Variants in TULP3 observed in about 807,000 individuals in gnomAD.
TULP3 encodes tubby-related protein 3.
A neutral mutation model predicts 50.7 loss-of-function variants in TULP3; 38 were observed. The ratio of observed to expected loss-of-function variants is 0.75; its 90% confidence interval spans 0.58 to 0.98. TULP3 has a LOEUF of 0.98. Among genes scored for constraint, TULP3 ranks in the 50% least tolerant of loss-of-function variants. TULP3 has a pLI of 0.00. For synonymous variants in TULP3, 183 were observed against 196.6 expected, an observed-to-expected ratio of 0.93 and a Z score of 0.58; for missense variants, 550 against 568.0, an observed-to-expected ratio of 0.97 and a Z score of 0.32.
At chr12:2,924,812 C>G (rs2098193750) in intron 4 of TULP3, among the ~76,000 whole-genome samples, 1 of 151,888 alleles carries the variant, frequency 6.6e-6, no homozygotes, top group Non-Finnish European at 1.5e-5. Flanking sequence ...CAAGATTGTG[C>G]TGCTGCATTC....
At chr12:2,927,330 A>C (rs2098195256) in intron 4 of TULP3, among the ~76,000 whole-genome samples, 1 of 147,366 alleles carries the variant, frequency 6.8e-6, no homozygotes, top group Non-Finnish European at 1.5e-5. Flanking sequence ...AACACTCATA[A>C]GTTTTTGTAT....
At chr12:2,908,409 A>T (rs2098183618) in intron 1 of TULP3, among the ~76,000 whole-genome samples, 1 of 145,572 alleles carries the variant, frequency 6.9e-6, no homozygotes, top group Admixed American at 7.0e-5. Flanking sequence ...AAAAATAGAA[A>T]AGGCTTCAGA....
rs779552989 is a variant in TULP3, at chr12:2,940,700, C to A, written c.*1256C>A. The stretch of plus-strand genomic sequence containing the variant: ...TGACCTCTCACCTCCGCCTGTTGTT[C>A]CTGCACCACATCAGATAAGCATGTG... On this transcript the variant is annotated 3_prime_UTR_variant, in exon 11 of 11. Coordinates refer to ENST00000448120, the MANE Select transcript of TULP3 (RefSeq NM_003324.5). 6.4e-7 allele frequency: 1 copy of A among 1,551,368 alleles called. No individual in the cohort carries two copies. Among genetic ancestry groups the A allele is most frequent in the South Asian group, 1.2e-5 (1 of 83,976 alleles).
intron 2 of TULP3, among the ~76,000 whole-genome samples, chr12:2,910,928 T>C (rs1454140398): frequency 6.6e-6 from 1 of 152,206 alleles, no homozygotes; most frequent in Admixed American, 6.5e-5. Flanking sequence ...CACAAAAATG[T>C]AGATCTTTGA....
At chr12:2,907,647 CAAA>C (rs772555255) in intron 1 of TULP3, among the ~76,000 whole-genome samples, 79 of 145,534 alleles carry the variant, frequency 5.4e-4, no homozygotes, top group Middle Eastern at 3.6e-3. Flanking sequence ...GACTCTGTCT[CAAA>C]AAAAAAAAAA....
intron 6 of TULP3, among the ~76,000 whole-genome samples, chr12:2,931,593 G>A (rs959044895): frequency 1.3e-5 from 2 of 152,232 alleles, no homozygotes; most frequent in Non-Finnish European, 2.9e-5. Context: ...ATTGTGGAAG[G>A]AGAGTGAGTT....
intron 2 of TULP3, among the ~76,000 whole-genome samples, chr12:2,914,579 G>T (rs996965408): frequency 1.3e-5 from 2 of 152,160 alleles, no homozygotes; most frequent in African/African-American, 4.8e-5. Context: ...ACCATTTATC[G>T]AAATACTTTC....
chr12:2,900,951 G>A (rs532795308), intron 1 of TULP3, among the ~76,000 whole-genome samples: 9 of 149,056 alleles, frequency 6.0e-5, no homozygotes, highest in East Asian at 2.0e-4. Flanking sequence ...GGGCTCACGC[G>A]ATCCTCTTGC....
intron 1 of TULP3, among the ~76,000 whole-genome samples, chr12:2,909,031 G>A (rs1330357539): frequency 1.3e-5 from 2 of 152,264 alleles, no homozygotes; most frequent in East Asian, 3.9e-4. Flanking sequence ...AAATATATTT[G>A]ATTTTTCAGA....
intron 10 of TULP3, among the ~76,000 whole-genome samples, chr12:2,938,822 T>A (rs909624308): frequency 1.3e-5 from 2 of 152,088 alleles, no homozygotes; most frequent in African/African-American, 2.4e-5. Flanking sequence ...AGTAGGTTGT[T>A]TGGGAAACAA....
chr12:2,938,184 C>T lies in TULP3; in HGVS notation c.1094C>T (p.Ala365Val), dbSNP rs1565510079. 6.2e-7 allele frequency: 1 copy of T among 1,614,142 alleles called. No individual in the cohort carries two copies. Residue 365 changes from alanine to valine, a missense_variant, in exon 10 of 11, where the codon GCC (alanine) becomes GTC (valine). Coordinates refer to ENST00000448120, the MANE Select transcript of TULP3 (RefSeq NM_003324.5). ...AATCTGGTTGAGCTGCACAACAAGG[C>T]CCCCGTCTGGAACAGTGACACTCAG... is the stretch of plus-strand genomic sequence containing the variant. ...MENLVELHNK[A>V]PVWNSDTQSY...
rs1591541338 is a variant in TULP3, at chr12:2,940,832, C to A, written c.*1388C>A. ...TTTCCATCTCAGGCATGTATCCCAC[C>A]AAGTGCCTCCCTCACAGCCATGCCC... is the stretch of plus-strand genomic sequence containing the variant. On this transcript the variant is annotated 3_prime_UTR_variant, in exon 11 of 11. Transcript: ENST00000448120. 1.2e-5 allele frequency: 12 copies of A among 1,038,548 alleles called. No homozygotes were observed. The East Asian group carries it at 2.1e-4, about 18-fold the overall frequency. The allele number at this position is 1,038,548 out of a possible 1,614,324, so 64.3% of individuals were successfully genotyped here. A position where few individuals can be genotyped will look rare whatever the true frequency, so the allele number is the denominator to read the frequency against.
At chr12:2,910,607 C>T (rs997121820) in intron 2 of TULP3, among the ~76,000 whole-genome samples, 10 of 152,296 alleles carry the variant, frequency 6.6e-5, no homozygotes, top group Admixed American at 6.5e-4. Flanking sequence ...AATTCTGTAG[C>T]TAGGATCGTT....
chr12:2,936,142 C>T (rs2098201121), intron 8 of TULP3, among the ~76,000 whole-genome samples: 1 of 152,050 alleles, frequency 6.6e-6, no homozygotes, highest in Non-Finnish European at 1.5e-5. Context: ...TGGTGGCAGG[C>T]ACCTGTAATC....
chr12:2,934,532 A>G lies in TULP3; in HGVS notation c.895A>G (p.Thr299Ala), dbSNP rs1565508673. 2 of 1,595,298 alleles carry G rather than the reference A, an allele frequency of 1.3e-6. No individual in the cohort carries two copies. The highest frequency in any genetic ancestry group is 1.7e-6 in the Non-Finnish European group (2 of 1,171,212). ...CCGGGGTTTGGTAGGAGCGGCCCAC[A>G]CCCGGCAGGAGCTGGCTGCCATCTC... ...KGRGLVGAAHTRQELAAISYE... is the reference protein window; with the variant it reads ...KGRGLVGAAHARQELAAISYE... The change falls in exon 8 of 11, where the codon ACC (threonine) becomes GCC (alanine). Residue 299 changes from threonine (T) to alanine (A), a missense_variant. Thr to Ala is a moderately conservative substitution (Grantham distance 58). Coordinates refer to ENST00000448120, the MANE Select transcript of TULP3 (RefSeq NM_003324.5).
chr12:2,901,285 ATT>A (rs141208770), intron 1 of TULP3, among the ~76,000 whole-genome samples: 2 of 115,420 alleles, frequency 1.7e-5, no homozygotes, highest in East Asian at 2.4e-4. Context: ...GGCTAATTTG[ATT>A]TTTTTTTTCT....
At chr12:2,926,094 A>G (rs1203783183) in intron 4 of TULP3, among the ~76,000 whole-genome samples, 5 of 152,336 alleles carry the variant, frequency 3.3e-5, no homozygotes, top group African/African-American at 4.8e-5. Context: ...CTCAAGACAG[A>G]TTCACGGGAA....
chr12:2,923,534 C>G (rs2098192976), intron 4 of TULP3, among the ~76,000 whole-genome samples: 1 of 151,774 alleles, frequency 6.6e-6, no homozygotes, highest in South Asian at 2.1e-4. Flanking sequence ...CCTATTAATC[C>G]CAGCTACTCT....
chr12:2,900,285 G>A (rs894455437), intron 1 of TULP3, among the ~76,000 whole-genome samples: 3 of 152,140 alleles, frequency 2.0e-5, no homozygotes, highest in African/African-American at 4.8e-5. Context: ...TCTCTGGACC[G>A]TACTTTCCTC....
Sources: allele counts gnomAD v4.1 joint callset (sites outside exome capture counted in the v4.1 genomes callset), GRCh38; gene constraint gnomAD v4.1.1; transcripts MANE v1.5; gene names NCBI Gene and HGNC (gene_info 2026-07-23, HGNC 2026-07-21).